Variants in IFT80 observed in about 807,000 individuals in gnomAD.
IFT80 encodes intraflagellar transport protein 80 homolog.
IFT80 carries 79 observed loss-of-function variants against 107.9 expected under a neutral mutation model. The observed-to-expected ratio is 0.73, with a 90% CI of 0.61 to 0.88. The LOEUF (loss-of-function observed/expected upper bound fraction) is 0.88, where lower values mean the gene tolerates loss of function less well. Among genes scored for constraint, IFT80 ranks in the 40% least tolerant of loss-of-function variants. The probability of loss-of-function intolerance (pLI) is 0.00; values close to 1 mark genes in which losing one functional copy is unlikely to be tolerated. For synonymous variants in IFT80, 299 were observed against 300.9 expected (o/e 0.99, Z 0.07); for missense variants, 797 against 914.2 (o/e 0.87, Z 1.65).
intron 6 of IFT80, among the ~76,000 whole-genome samples, chr3:160,361,916 AG>A (rs1721519842): frequency 6.6e-6 from 1 of 152,218 alleles, no homozygotes; most frequent in African/African-American, 2.4e-5. Context: ...TGCCCACAAG[AG>A]AAAGCAGGAA....
chr3:160,383,939 T>C, intron 2 of IFT80: 2 of 985,430 alleles, frequency 2.0e-6, no homozygotes, highest in Non-Finnish European at 2.4e-6. Flanking sequence ...AAGAAACAGT[T>C]TGGTTTAAAA....
intron 16 of IFT80, among the ~76,000 whole-genome samples, 198 bp from the exon 17 acceptor site, chr3:160,277,868 T>A (rs921817883): frequency 6.6e-6 from 1 of 152,276 alleles, no homozygotes; most frequent in East Asian, 1.9e-4. Flanking sequence ...ACAGAAAACT[T>A]TTGAATGAAA....
At chr3:160,308,042 A>C (rs937435352) in intron 9 of IFT80, among the ~76,000 whole-genome samples, 3 of 152,214 alleles carry the variant, frequency 2.0e-5, no homozygotes, top group Admixed American at 2.0e-4. Flanking sequence ...GCCAAACTTA[A>C]TGATGTAGCA....
At chr3:160,280,635 A>G in intron 15 of IFT80, 32 bp downstream of exon 15, 1 of 1,585,420 alleles carries the variant, frequency 6.3e-7, no homozygotes, top group Non-Finnish European at 8.7e-7. Context: ...TTTATTTACT[A>G]CAAAACAGAA....
intron 18 of IFT80, chr3:160,268,790 C>T: frequency 2.3e-6 from 1 of 440,328 alleles, no homozygotes; most frequent in South Asian, 2.3e-5. Flanking sequence ...TGCTTCATAC[C>T]ATTTATATAT....
chr3:160,384,045 G>A (rs570122937), intron 2 of IFT80: 8 of 491,648 alleles, frequency 1.6e-5, no homozygotes, highest in African/African-American at 1.5e-4. Context: ...GAGAGTTCGA[G>A]ACCAGCCTGG....
At chr3:160,353,951 A>T (rs186480590) in intron 8 of IFT80, among the ~76,000 whole-genome samples, 29 of 152,328 alleles carry the variant, frequency 1.9e-4, no homozygotes, top group African/African-American at 6.0e-4. Flanking sequence ...TTAAAATTTT[A>T]AAATATTTTA....
chr3:160,359,351 T>C (rs1033171962), intron 6 of IFT80, among the ~76,000 whole-genome samples: 7 of 152,174 alleles, frequency 4.6e-5, no homozygotes, highest in African/African-American at 1.7e-4. Context: ...ATTACAGGTA[T>C]CTAAACAAAT....
rs563873300 is a variant in IFT80, at chr3:160,294,457, G to C, written c.1315+6426C>G. Among the ~76,000 whole-genome samples, 14 of 152,324 alleles carry C rather than the reference G, an allele frequency of 9.2e-5. No individual in the cohort carries two copies. In the South Asian group the frequency reaches 1.2e-3, roughly 14 times the overall value. ...GCTGGTCTCAAACTCCTGAGCTCAA[G>C]TGATCCACCCATCTTGGCCTCCCAA... On this transcript the variant is annotated intron_variant, in intron 12 of 19. Coordinates refer to ENST00000326448, the MANE Select transcript of IFT80 (RefSeq NM_020800.3).
At chr3:160,337,459 TAAAAATACGAAAA>T (rs1455801990) in intron 8 of IFT80, among the ~76,000 whole-genome samples, 1 of 151,694 alleles carries the variant, frequency 6.6e-6, no homozygotes, top group Non-Finnish European at 1.5e-5. Flanking sequence ...CCCCATCTAC[TAAAAATACGAAAA>T]AAAATAGCTG....
intron 8 of IFT80, among the ~76,000 whole-genome samples, chr3:160,323,832 A>G (rs1176370822): frequency 6.6e-6 from 1 of 152,152 alleles, no homozygotes; most frequent in African/African-American, 2.4e-5. Flanking sequence ...AAATTAATGA[A>G]TCCAGGAGTT....
chr3:160,365,229 G>A (rs1268266548), intron 6 of IFT80, among the ~76,000 whole-genome samples: 1 of 151,992 alleles, frequency 6.6e-6, no homozygotes, highest in Non-Finnish European at 1.5e-5. Flanking sequence ...GGGCTTGTAT[G>A]TTCTATTCTT....
At chr3:160,268,623 T>C (rs1257488167) in intron 18 of IFT80, 87 bp from the exon 19 acceptor site, 2 of 1,261,620 alleles carry the variant, frequency 1.6e-6, no homozygotes, top group Non-Finnish European at 2.3e-6. Flanking sequence ...ATAAGACAAA[T>C]GGCTCTTCCC....
chr3:160,276,880 C>A (rs1714307763), intron 18 of IFT80, among the ~76,000 whole-genome samples: 1 of 152,232 alleles, frequency 6.6e-6, no homozygotes, highest in African/African-American at 2.4e-5. Flanking sequence ...CTTGCTTCAA[C>A]TACTATCCAT....
At chr3:160,283,310 TC>T in intron 13 of IFT80, among the ~76,000 whole-genome samples, 1 of 152,372 alleles carries the variant, frequency 6.6e-6, no homozygotes, top group South Asian at 2.1e-4. Flanking sequence ...TCATTTTAAT[TC>T]AAACCAAGCA....
intron 5 of IFT80, among the ~76,000 whole-genome samples, chr3:160,368,581 T>C (rs1722027248): frequency 6.6e-6 from 1 of 151,680 alleles, no homozygotes; most frequent in Non-Finnish European, 1.5e-5. Flanking sequence ...TAGCCAGGAG[T>C]TGACCTGTAC....
chr3:160,355,249 GTTAT>G (rs143392426), intron 8 of IFT80, among the ~76,000 whole-genome samples: 4 of 152,018 alleles, frequency 2.6e-5, no homozygotes, highest in African/African-American at 7.2e-5. Flanking sequence ...ATGCCCTTTG[GTTAT>G]TTATTTATTT....
rs571305424 is a variant in IFT80, at chr3:160,395,490, T to C, written c.-47+3656A>G. 2.0e-5 allele frequency among the ~76,000 whole-genome samples: 3 copies of C among 152,372 alleles called. No individual in the cohort carries two copies. In the South Asian group the frequency reaches 6.2e-4, roughly 32 times the overall value. On this transcript the variant is annotated intron_variant, in intron 1 of 19. Coordinates refer to ENST00000326448, the MANE Select transcript of IFT80 (RefSeq NM_020800.3). ...ACCACTTCCTCACTGTTAGCCCATG[T>C]GGCATGAGGCCCAGACTTAAGCCAA...
intron 11 of IFT80, among the ~76,000 whole-genome samples, chr3:160,301,729 T>A (rs1716440802): frequency 6.6e-6 from 1 of 151,942 alleles, no homozygotes. Flanking sequence ...AACATAAATA[T>A]TTTATGGCTG....
Sources: allele counts gnomAD v4.1 joint callset (sites outside exome capture counted in the v4.1 genomes callset), GRCh38; gene constraint gnomAD v4.1.1; transcripts MANE v1.5; gene names NCBI Gene and HGNC (gene_info 2026-07-23, HGNC 2026-07-21).